CCDC141: variants seen among roughly 807,000 people sequenced by gnomAD.
CCDC141 encodes coiled-coil domain-containing protein 141.
Under a neutral mutation model 181.0 loss-of-function variants are expected in CCDC141, and 168 were observed. The observed-to-expected ratio is 0.93, with a 90% CI of 0.82 to 1.05. CCDC141 has a LOEUF of 1.05. Ranked by LOEUF, CCDC141 falls within the 50% of genes least tolerant of loss-of-function variation. The probability of loss-of-function intolerance (pLI) is 0.00; values close to 1 mark genes in which losing one functional copy is unlikely to be tolerated. For missense variants in CCDC141, 1,902 were observed against 1,788.5 expected, an observed-to-expected ratio of 1.06 and a Z score of -1.14; for synonymous variants, 666 against 642.3, an observed-to-expected ratio of 1.04 and a Z score of -0.56.
intron 2 of CCDC141, among the ~76,000 whole-genome samples, chr2:179,020,398 C>A (rs2042663288): frequency 1.3e-5 from 2 of 152,070 alleles, no homozygotes; most frequent in African/African-American, 4.8e-5. Flanking sequence ...TGGAACTGGG[C>A]CAGTCTTAGG....
rs1304987202 is a variant in CCDC141 at position 178,961,324 on chromosome 2, T to C, written c.686A>G (p.Asp229Gly). 5 of 1,550,590 alleles carry C rather than the reference T, an allele frequency of 3.2e-6. No homozygotes were observed. Among genetic ancestry groups the C allele is most frequent in the Non-Finnish European group, 4.4e-6 (5 of 1,146,950 alleles). ...KVDRLLELLQ[D>G]RRRQLDKYLK... Reference sequence around the variant, plus strand: ...GTACTTGTCTAGTTGTCTTCTCCTGTCTTGTAGAAGTTCAAGAAGGCGGTC... The same window carrying C: ...GTACTTGTCTAGTTGTCTTCTCCTGCCTTGTAGAAGTTCAAGAAGGCGGTC... Residue 229 changes from aspartate to glycine, a missense_variant, in exon 5 of 24, where the codon GAC becomes GGC. Asp to Gly is a moderately conservative substitution (Grantham distance 94). Transcript: ENST00000443758.
chr2:178,936,518 C>T (rs545935218), intron 6 of CCDC141, among the ~76,000 whole-genome samples: 2 of 151,902 alleles, frequency 1.3e-5, no homozygotes, highest in Non-Finnish European at 2.9e-5. Flanking sequence ...ATAGTTTGAA[C>T]TTTGGTAACA....
intron 5 of CCDC141, among the ~76,000 whole-genome samples, chr2:178,958,159 C>T (rs59084261): frequency 0.015 from 2,323 of 152,152 alleles, 58 homozygotes; most frequent in African/African-American, 0.053. Flanking sequence ...AAGCAGAGCA[C>T]GGAGGATTAT....
chr2:178,995,352 A>G (rs866888042), intron 2 of CCDC141, among the ~76,000 whole-genome samples: 15 of 152,254 alleles, frequency 9.9e-5, no homozygotes, highest in African/African-American at 2.2e-4. Flanking sequence ...CAATTTTTAA[A>G]ACCATCAGAT....
chr2:178,908,588 T>G (rs958559968), intron 7 of CCDC141, among the ~76,000 whole-genome samples: 2 of 152,198 alleles, frequency 1.3e-5, no homozygotes, highest in African/African-American at 4.8e-5. Context: ...TTAATATATG[T>G]GAATTAGTGC....
chr2:178,999,406 C>T (rs555068470), intron 2 of CCDC141, among the ~76,000 whole-genome samples: 8 of 152,206 alleles, frequency 5.3e-5, no homozygotes, highest in South Asian at 2.1e-4. Context: ...GCTTCTCACC[C>T]GAATTCCTAC....
At chr2:178,817,813 C>CCCTG in the CCDC141 span, 2 of 274,790 alleles carry the variant, frequency 7.3e-6, no homozygotes, top group African/African-American at 3.0e-5. Context: ...CTCCCTCCCT[C>CCCTG]CCTTCTTTCA....
intron 4 of CCDC141, among the ~76,000 whole-genome samples, chr2:178,973,248 C>A (rs1468582049): frequency 6.6e-6 from 1 of 152,158 alleles, no homozygotes; most frequent in African/African-American, 2.4e-5. Context: ...GAAGCCACCA[C>A]TGGGCATATG....
chr2:178,851,036 T>C (rs1465428643), intron 20 of CCDC141, among the ~76,000 whole-genome samples: 1 of 151,946 alleles, frequency 6.6e-6, no homozygotes, highest in Non-Finnish European at 1.5e-5. Context: ...TGAAACCCCA[T>C]CTCTACTAAA....
At chr2:179,015,729 T>A (rs2042502536) in intron 2 of CCDC141, among the ~76,000 whole-genome samples, 2 of 141,226 alleles carry the variant, frequency 1.4e-5, no homozygotes, top group African/African-American at 2.6e-5. Flanking sequence ...CTCATATATA[T>A]CTCATATATA....
In CCDC141 at chr2:178,961,346, G is replaced by T. The variant is rs554319522; in HGVS notation, c.664C>A (p.Arg222Ser). 1.3e-6 allele frequency: 2 copies of T among 1,550,474 alleles called. No individual in the cohort carries two copies. Among genetic ancestry groups the T allele is most frequent in the Non-Finnish European group, 1.7e-6 (2 of 1,146,944 alleles). The stretch of plus-strand genomic sequence containing the variant: ...CTGTCTTGTAGAAGTTCAAGAAGGC[G>T]GTCAACCTTCAGACAGCTGCTATGA... Reference protein sequence around the residue: ...GAHSSCLKVDRLLELLQDRRR... With the variant: ...GAHSSCLKVDSLLELLQDRRR... Residue 222 changes from arginine to serine, a missense_variant, in exon 5 of 24, where the codon CGC becomes AGC. Coordinates refer to ENST00000443758, the MANE Select transcript of CCDC141 (RefSeq NM_173648.4).
At chr2:178,888,818 G>T in intron 8 of CCDC141, 150 bp from the exon 9 acceptor site, 1 of 750,630 alleles carries the variant, frequency 1.3e-6, no homozygotes, top group Non-Finnish European at 2.1e-6. Flanking sequence ...TCTCGGCATA[G>T]CAGGAAGCAA....
At chr2:179,008,758 A>G (rs889319659) in intron 2 of CCDC141, among the ~76,000 whole-genome samples, 1 of 152,076 alleles carries the variant, frequency 6.6e-6, no homozygotes, top group Admixed American at 6.6e-5. Flanking sequence ...GAGTCCCCCA[A>G]ATATCTCTAC....
intron 8 of CCDC141, among the ~76,000 whole-genome samples, chr2:178,892,163 CT>C (rs1479066009): frequency 4.6e-5 from 7 of 152,134 alleles, no homozygotes; most frequent in African/African-American, 1.7e-4. Flanking sequence ...CCAATTTCTT[CT>C]TTGGTATGCT....
At chr2:178,957,689 T>C (rs562356773) in intron 5 of CCDC141, among the ~76,000 whole-genome samples, 3 of 152,356 alleles carry the variant, frequency 2.0e-5, no homozygotes, top group Admixed American at 2.0e-4. Context: ...GATTAATGGA[T>C]GAACAAACTG....
chr2:178,996,933 A>G (rs1692316106), intron 2 of CCDC141, among the ~76,000 whole-genome samples: 1 of 152,238 alleles, frequency 6.6e-6, no homozygotes, highest in Admixed American at 6.5e-5. Context: ...GAGGCCAGGT[A>G]TGGCCCAATG....
the CCDC141 span, among the ~76,000 whole-genome samples, chr2:178,815,783 AT>A: frequency 1.3e-5 from 2 of 151,736 alleles, no homozygotes; most frequent in East Asian, 1.9e-4. Context: ...TTTTATTTGT[AT>A]TTTTTTTATT....
chr2:178,983,955 A>G (rs1283437234), intron 2 of CCDC141, among the ~76,000 whole-genome samples: 5 of 150,252 alleles, frequency 3.3e-5, no homozygotes, highest in African/African-American at 4.9e-5. Context: ...GATTCAGGAA[A>G]TACAGAGAAT....
At chr2:178,989,630 AAAT>A (rs1691944523) in intron 2 of CCDC141, among the ~76,000 whole-genome samples, 1 of 148,602 alleles carries the variant, frequency 6.7e-6, no homozygotes, top group South Asian at 2.1e-4. Context: ...ATAAATAAAT[AAAT>A]AAATAAATAA....
Sources: allele counts gnomAD v4.1 joint callset (sites outside exome capture counted in the v4.1 genomes callset), GRCh38; gene constraint gnomAD v4.1.1; transcripts MANE v1.5; gene names NCBI Gene and HGNC (gene_info 2026-07-23, HGNC 2026-07-21).